Variants in PKP4 observed in about 807,000 individuals in gnomAD.
PKP4 encodes plakophilin 4.
PKP4 carries 90 observed loss-of-function variants against 145.1 expected under a neutral mutation model. The ratio of observed to expected loss-of-function variants is 0.62; its 90% CI spans 0.52 to 0.74. The LOEUF (loss-of-function observed/expected upper bound fraction) is 0.74. Ranked by LOEUF, PKP4 falls within the 30% of genes least tolerant of loss-of-function variation. PKP4 has a pLI of 0.00. For missense variants in PKP4, 1,340 were observed against 1,482.7 expected (o/e 0.90, Z 1.58); for synonymous variants, 563 against 577.2 (o/e 0.98, Z 0.35).
At chr2:158,583,171 T>A (rs2048474339) in intron 3 of PKP4, among the ~76,000 whole-genome samples, 1 of 152,244 alleles carries the variant, frequency 6.6e-6, no homozygotes, top group Admixed American at 6.5e-5. Flanking sequence ...TTGATGAGCA[T>A]GGGACTTGTT....
At chr2:158,484,219 T>G (rs1211400247) in intron 1 of PKP4, among the ~76,000 whole-genome samples, 1 of 151,994 alleles carries the variant, frequency 6.6e-6, no homozygotes, top group Non-Finnish European at 1.5e-5. Flanking sequence ...GGCTAATTTT[T>G]TGTATTTTTA....
At chr2:158,590,819 A>T (rs2049207437) in intron 3 of PKP4, among the ~76,000 whole-genome samples, 1 of 152,146 alleles carries the variant, frequency 6.6e-6, no homozygotes, top group Admixed American at 6.5e-5. Flanking sequence ...TAAAATCATC[A>T]GCTGGAAAGG....
chr2:158,485,045 C>G (rs766179395), intron 1 of PKP4, among the ~76,000 whole-genome samples: 8 of 152,234 alleles, frequency 5.3e-5, no homozygotes, highest in Non-Finnish European at 1.2e-4. Flanking sequence ...GATGAGGTCA[C>G]TTTCCTACCT....
chr2:158,469,124 C>G (rs1226456050), intron 1 of PKP4, among the ~76,000 whole-genome samples: 1 of 151,358 alleles, frequency 6.6e-6, no homozygotes, highest in Non-Finnish European at 1.5e-5. Context: ...GAGTCTTGCT[C>G]TATTGCCCAG....
intron 11 of PKP4, among the ~76,000 whole-genome samples, chr2:158,645,766 G>A (rs1445626472): frequency 1.3e-5 from 2 of 152,112 alleles, no homozygotes; most frequent in African/African-American, 4.8e-5. Flanking sequence ...TTTTTCCTTG[G>A]GAGAGACTAT....
chr2:158,641,346 T>A (rs548541131), intron 10 of PKP4, among the ~76,000 whole-genome samples: 2 of 144,340 alleles, frequency 1.4e-5, no homozygotes, highest in South Asian at 2.3e-4. Context: ...AAAAAAAAAA[T>A]TATTAGGTTA....
intron 2 of PKP4, among the ~76,000 whole-genome samples, chr2:158,574,311 C>G (rs1303800651): frequency 6.6e-6 from 1 of 150,652 alleles, no homozygotes; most frequent in Non-Finnish European, 1.5e-5. Context: ...AATATAAGCT[C>G]CCCCTATAAT....
chr2:158,621,977 C>T (rs1341566392), intron 6 of PKP4, among the ~76,000 whole-genome samples: 1 of 152,020 alleles, frequency 6.6e-6, no homozygotes, highest in Non-Finnish European at 1.5e-5. Flanking sequence ...CTTCTGGAAA[C>T]AACAAGTTTG....
chr2:158,583,317 T>C (rs576374879), intron 3 of PKP4, among the ~76,000 whole-genome samples: 1 of 152,112 alleles, frequency 6.6e-6, no homozygotes, highest in Non-Finnish European at 1.5e-5. Context: ...ACCTATCTAC[T>C]CCTCCCTAGG....
chr2:158,542,890 A>C (rs1344641632), intron 2 of PKP4, among the ~76,000 whole-genome samples: 1 of 152,170 alleles, frequency 6.6e-6, no homozygotes, highest in Non-Finnish European at 1.5e-5. Context: ...AGAATCAGTG[A>C]TCTCTATGGA....
intron 4 of PKP4, among the ~76,000 whole-genome samples, chr2:158,611,860 G>GTC (rs1259753510): frequency 2.6e-5 from 4 of 152,034 alleles, no homozygotes; most frequent in Non-Finnish European, 5.9e-5. Flanking sequence ...AAAATCAGCT[G>GTC]TAGAGTACAA....
intron 4 of PKP4, among the ~76,000 whole-genome samples, chr2:158,614,799 G>A (rs929334718): frequency 3.3e-5 from 5 of 152,088 alleles, no homozygotes; most frequent in African/African-American, 1.2e-4. Context: ...TTAGTGATAT[G>A]TGAAGAAATG....
At chr2:158,659,224 G>A (rs2056305665) in intron 12 of PKP4, 1 of 152,696 alleles carries the variant, frequency 6.5e-6, no homozygotes, top group Admixed American at 6.5e-5. Flanking sequence ...GGCAGTGTTG[G>A]TGGGGAGGTA....
intron 2 of PKP4, among the ~76,000 whole-genome samples, chr2:158,576,078 A>G (rs1304131508): frequency 6.6e-6 from 1 of 152,186 alleles, no homozygotes; most frequent in Non-Finnish European, 1.5e-5. Flanking sequence ...TCATTAGGAA[A>G]GGATTCTCAG....
intron 11 of PKP4, among the ~76,000 whole-genome samples, chr2:158,647,581 ACTTTT>A (rs142488803): frequency 0.19 from 29,013 of 151,962 alleles, 3,538 homozygotes; most frequent in Middle Eastern, 0.35. Context: ...GGAAAAAAGG[ACTTTT>A]CTTCAAATGT....
intron 1 of PKP4, among the ~76,000 whole-genome samples, chr2:158,486,804 G>GGGAT (rs1694230996): frequency 6.6e-6 from 1 of 152,230 alleles, no homozygotes; most frequent in East Asian, 1.9e-4. Flanking sequence ...TCCCTTGCTT[G>GGGAT]GGATGATCTG....
chr2:158,678,416 C>T lies in PKP4; in HGVS notation c.3257-165C>T, dbSNP rs1180494201. Among the ~76,000 whole-genome samples, 3 of 149,174 alleles carry T rather than the reference C, an allele frequency of 2.0e-5. No individual in the cohort carries two copies. The East Asian group carries it at 5.8e-4, about 29-fold the overall frequency. ...AGCCCTGAGGTAAGCAGCAGCCAGGCCAGATCCAGGGACCCTGAGCTGCTA... is the reference window on the plus strand; with the variant it reads ...AGCCCTGAGGTAAGCAGCAGCCAGGTCAGATCCAGGGACCCTGAGCTGCTA... On this transcript the variant is annotated intron_variant, in intron 20 of 21. Transcript: ENST00000389759.
chr2:158,489,172 G>A (rs1039169409), intron 1 of PKP4, among the ~76,000 whole-genome samples: 3 of 151,588 alleles, frequency 2.0e-5, no homozygotes, highest in African/African-American at 7.3e-5. Context: ...TTTTCCTTCA[G>A]AAATCATTAT....
At chr2:158,518,449 C>T (rs1055215925) in intron 1 of PKP4, among the ~76,000 whole-genome samples, 2 of 152,198 alleles carry the variant, frequency 1.3e-5, no homozygotes, top group African/African-American at 4.8e-5. Context: ...ATTTTGAGAG[C>T]AGCAAAATTG....
Sources: allele counts gnomAD v4.1 joint callset (sites outside exome capture counted in the v4.1 genomes callset), GRCh38; gene constraint gnomAD v4.1.1; transcripts MANE v1.5; gene names NCBI Gene and HGNC (gene_info 2026-07-23, HGNC 2026-07-21).